MYO5C: variants seen among roughly 807,000 people sequenced by gnomAD.
MYO5C encodes unconventional myosin-Vc.
Under a neutral mutation model 235.7 loss-of-function variants are expected in MYO5C, and 194 were observed. The ratio of observed to expected loss-of-function variants is 0.82; its 90% CI spans 0.73 to 0.93. The LOEUF (loss-of-function observed/expected upper bound fraction) is 0.93. MYO5C is among the 40% of genes least tolerant of loss of function. The probability of loss-of-function intolerance (pLI) is 0.00; values close to 1 mark genes in which losing one functional copy is unlikely to be tolerated. For synonymous variants in MYO5C, 707 were observed against 754.8 expected (o/e 0.94, Z 1.04); for missense variants, 2,038 against 2,127.2 (o/e 0.96, Z 0.82).
At chr15:52,211,092 G>A (rs2035431891) in intron 35 of MYO5C, among the ~76,000 whole-genome samples, 1 of 152,176 alleles carries the variant, frequency 6.6e-6, no homozygotes, top group South Asian at 2.1e-4. Context: ...CTTAGGGAAT[G>A]GCCAACAGCA....
intron 16 of MYO5C, 109 bp downstream of exon 16, chr15:52,246,808 A>G: frequency 2.4e-6 from 2 of 845,882 alleles, no homozygotes. Flanking sequence ...ATCATTAAAA[A>G]AAAACCCAGA....
At chr15:52,202,385 AAAAAG>A (rs562583978) in intron 38 of MYO5C, among the ~76,000 whole-genome samples, 2 of 152,134 alleles carry the variant, frequency 1.3e-5, no homozygotes, top group African/African-American at 2.4e-5. Context: ...CTCAAAAAAG[AAAAAG>A]AAAAGGATGG....
At chr15:52,278,570 A>C (rs1244907549) in intron 4 of MYO5C, among the ~76,000 whole-genome samples, 1 of 151,988 alleles carries the variant, frequency 6.6e-6, no homozygotes, top group African/African-American at 2.4e-5. Context: ...GTCTCATAGC[A>C]GAGAATAAAT....
At chr15:52,261,375 C>T (rs781422177) in intron 9 of MYO5C, among the ~76,000 whole-genome samples, 9 of 152,254 alleles carry the variant, frequency 5.9e-5, no homozygotes, top group Non-Finnish European at 1.2e-4. Flanking sequence ...TCCAGGGCTG[C>T]GTCCCACGCT....
intron 5 of MYO5C, among the ~76,000 whole-genome samples, chr15:52,274,821 T>G (rs1235175413): frequency 6.6e-6 from 1 of 152,228 alleles, no homozygotes; most frequent in Non-Finnish European, 1.5e-5. Flanking sequence ...GTCTGATAAA[T>G]ATTCATTGAG....
rs370672907 is a variant in MYO5C at position 52,241,729 on chromosome 15, G to GGTGTGT, written c.2556+313_2556+318dup. Among the ~76,000 whole-genome samples the GGTGTGT allele has an allele frequency of 5.9e-3, 884 of 149,490 alleles. 11 individuals are homozygous for GGTGTGT. Among genetic ancestry groups the GGTGTGT allele is most frequent in the African/African-American group, 0.021 (851 of 41,002 alleles). On this transcript the variant is annotated intron_variant, in intron 20 of 40. Coordinates refer to ENST00000261839, the MANE Select transcript of MYO5C (RefSeq NM_018728.4). Reference sequence around the variant, plus strand: ...AGAAAGAGAAACCAACAGTGCAACTGGTGTGTGTGTGTGTGTGTGTGTGAG... The same window carrying GGTGTGT: ...AGAAAGAGAAACCAACAGTGCAACTGGTGTGTGTGTGTGTGTGTGTGTGTGTGTGAG...
rs1182095059 is a variant in MYO5C at position 52,225,508 on chromosome 15, T to C, written c.3232A>G (p.Ile1078Val). The change falls in exon 26 of 41, where the codon ATA becomes GTA. Residue 1078 changes from isoleucine (I) to valine (V), a missense_variant. By Grantham distance (29) the Ile-to-Val change is conservative. Transcript: ENST00000261839. ...ATCTTCTGTGCCTGAAGTAGTTCTA[T>C]CTCTTTTTCGAACTCAGAGATTGTC... ...VKTISEFEKE[I>V]ELLQAQKIDV... 2.3e-5 allele frequency: 37 copies of C among 1,613,344 alleles called. No homozygotes were observed. Among genetic ancestry groups the C allele is most frequent in the Non-Finnish European group, 3.0e-5 (35 of 1,179,838 alleles).
At chr15:52,252,442 A>AT (rs796468489) in intron 12 of MYO5C, among the ~76,000 whole-genome samples, 197 of 145,974 alleles carry the variant, frequency 1.3e-3, no homozygotes, top group African/African-American at 2.4e-3. Flanking sequence ...GATACATGTG[A>AT]TTTTTTTTTT....
chr15:52,274,978 T>C (rs1246529872), intron 5 of MYO5C, among the ~76,000 whole-genome samples: 3 of 152,212 alleles, frequency 2.0e-5, no homozygotes, highest in Non-Finnish European at 4.4e-5. Flanking sequence ...TCTGTGCCTT[T>C]TGGGTGCCTC....
At position 52,261,382 on chromosome 15, in the gene MYO5C, C is replaced by T. The variant is rs578018942; in HGVS notation, c.1048-255G>A. Among the ~76,000 whole-genome samples, 16 of 152,366 alleles carry T rather than the reference C, an allele frequency of 1.1e-4. No homozygotes were observed. In the East Asian group the frequency reaches 1.4e-3, roughly 13 times the overall value. Reference sequence around the variant, plus strand: ...CCAGGGAGTCCAGGGCTGCGTCCCACGCTGATTTTTCATTTTAACCAAAGA... The same window carrying T: ...CCAGGGAGTCCAGGGCTGCGTCCCATGCTGATTTTTCATTTTAACCAAAGA... On this transcript the variant is annotated intron_variant, in intron 9 of 40. Transcript: ENST00000261839.
chr15:52,271,569 C>G (rs1376358112), intron 7 of MYO5C, among the ~76,000 whole-genome samples, 194 bp downstream of exon 7: 1 of 151,632 alleles, frequency 6.6e-6, no homozygotes, highest in African/African-American at 2.4e-5. Context: ...ACAAGTGCCC[C>G]CTCTCTCTAA....
At chr15:52,284,808 G>A (rs1238714927) in intron 1 of MYO5C, among the ~76,000 whole-genome samples, 1 of 151,260 alleles carries the variant, frequency 6.6e-6, no homozygotes, top group Non-Finnish European at 1.5e-5. Flanking sequence ...GGTAAAACAG[G>A]TGTTCACTAT....
chr15:52,287,976 CAA>C (rs545444260), intron 1 of MYO5C, among the ~76,000 whole-genome samples: 7 of 123,144 alleles, frequency 5.7e-5, no homozygotes, highest in Admixed American at 2.5e-4. Context: ...AACTCCGTCT[CAA>C]AAAAAAAAAA....
intron 4 of MYO5C, chr15:52,277,029 T>C (rs1319682108): frequency 2.0e-5 from 9 of 456,570 alleles, no homozygotes; most frequent in Non-Finnish European, 3.1e-5. Context: ...CAGCCTCCCA[T>C]GTAAATGCTA....
rs1328438643 is a variant in MYO5C at position 52,205,900 on chromosome 15, A to G, written c.4453T>C (p.Tyr1485His). ...GCCACATCACTGAGAATCTGTCTGTATTCTGAAAGGTCAAAATTGTTCAAG... is the reference window on the plus strand; with the variant it reads ...GCCACATCACTGAGAATCTGTCTGTGTTCTGAAAGGTCAAAATTGTTCAAG... ...NCLNNFDLSE[Y>H]RQILSDVAIR... Residue 1485 changes from tyrosine (Y) to histidine (H), a missense_variant, in exon 37 of 41, where the codon TAC becomes CAC. Tyr to His is a moderately conservative substitution (Grantham distance 83). Coordinates refer to ENST00000261839, the MANE Select transcript of MYO5C (RefSeq NM_018728.4). 5 of 1,601,290 alleles carry G rather than the reference A, an allele frequency of 3.1e-6. No homozygotes were observed. The African/African-American group carries it at 6.7e-5, about 21-fold the overall frequency.
intron 37 of MYO5C, 35 bp from the exon 38 acceptor site, chr15:52,205,182 A>C (rs1348780444): frequency 1.9e-6 from 3 of 1,604,186 alleles, no homozygotes; most frequent in Non-Finnish European, 2.6e-6. Flanking sequence ...CTGACACGCC[A>C]GGAGACACAC....
In MYO5C at chr15:52,205,916, A is replaced by G. The variant is rs2035302040; in HGVS notation, c.4437T>C (p.Asn1479=). ...TCTGTCTGTATTCTGAAAGGTCAAA[A>G]TTGTTCAAGCAATTCTTATTCTGCT... ...SPQQNKNCLN[N]FDLSEYRQIL... Residue 1479 remains asparagine, a synonymous_variant, in exon 37 of 41, where the codon AAT becomes AAC. Coordinates refer to ENST00000261839, the MANE Select transcript of MYO5C (RefSeq NM_018728.4). The G allele has an allele frequency of 6.3e-7, 1 of 1,599,650 alleles. No homozygotes were observed. The highest frequency in any genetic ancestry group is 1.3e-5 in the African/African-American group (1 of 74,874).
chr15:52,239,147 C>T (rs920231670), intron 21 of MYO5C, among the ~76,000 whole-genome samples: 4 of 151,800 alleles, frequency 2.6e-5, no homozygotes, highest in Non-Finnish European at 4.4e-5. Context: ...GACGGGATTT[C>T]GCAATGTTGG....
At chr15:52,243,863 C>G (rs746011812) in intron 19 of MYO5C, among the ~76,000 whole-genome samples, 21 of 152,222 alleles carry the variant, frequency 1.4e-4, no homozygotes, top group Non-Finnish European at 3.1e-4. Flanking sequence ...TTGGCTGGGG[C>G]TGCTGTGGTC....
Sources: gnomAD v4.1 joint callset for allele counts (sites outside exome capture counted in the v4.1 genomes callset) on GRCh38, gnomAD v4.1.1 for gene constraint, MANE v1.5 for transcripts, NCBI Gene and HGNC (gene_info 2026-07-23, HGNC 2026-07-21) for gene names.